Variants in GNG2 observed in about 807,000 individuals in gnomAD.
GNG2 encodes the protein G protein subunit gamma 2, also known as guanine nucleotide-binding protein G(I)/G(S)/G(O) subunit gamma-2.
GNG2 carries 5 observed loss-of-function variants against 5.5 expected under a neutral mutation model. That is an observed-to-expected ratio of 0.91 (90% confidence interval 0.48 to 1.92). The LOEUF (loss-of-function observed/expected upper bound fraction) is 1.92, where lower values mean the gene tolerates loss of function less well. Ranked by LOEUF, GNG2 falls within the 30% of genes most tolerant of loss-of-function variation. The probability of loss-of-function intolerance (pLI) is 0.01; values close to 1 mark genes in which losing one functional copy is unlikely to be tolerated. For missense variants in GNG2, 55 were observed against 88.4 expected (o/e 0.62, Z 1.52); for synonymous variants, 28 against 32.0 (o/e 0.88, Z 0.42).
In GNG2 at chr14:51,869,510, T is replaced by C. The variant is rs564163907; in HGVS notation, c.-70-8107T>C. Among the ~76,000 whole-genome samples, 9 of 152,348 alleles carry C rather than the reference T, an allele frequency of 5.9e-5. No individual in the cohort carries two copies. In the East Asian group the frequency reaches 1.2e-3, roughly 20 times the overall value. On this transcript the variant is annotated intron_variant, in intron 1 of 3. Coordinates refer to ENST00000556766, the MANE Select transcript of GNG2 (RefSeq NM_053064.5). ...ATATCAAGGTGCAGCAGATTTCTTA[T>C]GTGGCTCTTTCTGGTTTGTTGAAAC...
intron 2 of GNG2, among the ~76,000 whole-genome samples, chr14:51,942,589 C>CTTTCTTTCTTTCTTTTTTTT (rs761049973): frequency 2.5e-5 from 2 of 81,146 alleles, no homozygotes; most frequent in Non-Finnish European, 4.5e-5. Context: ...TTCTTTCTTT[C>CTTTCTTTCTTTCTTTTTTTT]TTTTTTTTTT....
chr14:51,967,952 C>A lies in GNG2; in HGVS notation c.*1265C>A, dbSNP rs527849179. On this transcript the variant is annotated 3_prime_UTR_variant, in exon 4 of 4. Coordinates refer to ENST00000556766, the MANE Select transcript of GNG2 (RefSeq NM_053064.5). Reference sequence around the variant, plus strand: ...CTCTCCAGGGAGAAGGACCTCAAATCGCCACTCTTTGGGCGGCAGGTGCGG... The same window carrying A: ...CTCTCCAGGGAGAAGGACCTCAAATAGCCACTCTTTGGGCGGCAGGTGCGG... 6.6e-6 allele frequency: 1 copy of A among 152,172 alleles called. No individual in the cohort carries two copies. Among genetic ancestry groups the A allele is most frequent in the South Asian group, 2.1e-4 (1 of 4,830 alleles). The allele number at this position is 152,172 out of a possible 1,614,324, so 9.4% of individuals were successfully genotyped here.
At chr14:51,836,518 G>A (rs1216069300) in intron 2 of GNG2, among the ~76,000 whole-genome samples, 1 of 152,028 alleles carries the variant, frequency 6.6e-6, no homozygotes, top group East Asian at 1.9e-4. Context: ...AATATAAAAA[G>A]TCACATGAAG....
intron 2 of GNG2, among the ~76,000 whole-genome samples, chr14:51,851,471 A>G (rs1197534135): frequency 3.3e-5 from 5 of 152,282 alleles, no homozygotes; most frequent in South Asian, 4.1e-4. Context: ...GTGAGTTTCT[A>G]TTGTTCTTGT....
chr14:51,881,316 T>C (rs144061639), intron 2 of GNG2, among the ~76,000 whole-genome samples: 2,107 of 152,296 alleles, frequency 0.014, 18 homozygotes, highest in South Asian at 0.022. Context: ...GAAGACTATC[T>C]GGAATGCCCA....
At chr14:51,833,047 C>A (rs1468676986) in intron 2 of GNG2, among the ~76,000 whole-genome samples, 2 of 152,094 alleles carry the variant, frequency 1.3e-5, no homozygotes, top group Non-Finnish European at 2.9e-5. Context: ...CCTTACAACT[C>A]ATTTCTCTAT....
intron 2 of GNG2, among the ~76,000 whole-genome samples, chr14:51,922,204 T>C (rs1887054630): frequency 6.6e-6 from 1 of 151,882 alleles, no homozygotes; most frequent in South Asian, 2.1e-4. Context: ...TATGCTTTCT[T>C]ATAAAAGAGA....
At chr14:51,933,180 T>C (rs1289838177) in intron 2 of GNG2, among the ~76,000 whole-genome samples, 1 of 152,210 alleles carries the variant, frequency 6.6e-6, no homozygotes, top group African/African-American at 2.4e-5. Context: ...TAAACTTACA[T>C]TGTTTGAAGC....
chr14:51,860,220 C>CAAA (rs61492742), upstream of GNG2, among the ~76,000 whole-genome samples: 5 of 146,576 alleles, frequency 3.4e-5, no homozygotes, highest in African/African-American at 1.3e-4. Context: ...GATGTTGACC[C>CAAA]AAAAAAAAAC....
chr14:51,951,212 A>G (rs1221625654), intron 3 of GNG2, among the ~76,000 whole-genome samples: 2 of 152,058 alleles, frequency 1.3e-5, no homozygotes, highest in Non-Finnish European at 2.9e-5. Context: ...TCTTCTTTAT[A>G]CTTTATTGAA....
intron 2 of GNG2, among the ~76,000 whole-genome samples, chr14:51,934,061 A>G (rs144548352): frequency 1.3e-5 from 2 of 152,326 alleles, no homozygotes; most frequent in African/African-American, 4.8e-5. Flanking sequence ...GGATCCGACC[A>G]GGATTGGGGA....
At chr14:51,834,153 A>T (rs748643435) in intron 2 of GNG2, among the ~76,000 whole-genome samples, 7 of 152,230 alleles carry the variant, frequency 4.6e-5, no homozygotes, top group Non-Finnish European at 1.0e-4. Flanking sequence ...AAGCTTTTGG[A>T]GATGGGGGAA....
intron 1 of GNG2, chr14:51,873,872 T>C (rs1397362263): frequency 1.3e-5 from 2 of 152,270 alleles, no homozygotes; most frequent in Non-Finnish European, 2.9e-5. Flanking sequence ...TTCTCTGTTT[T>C]ATGGACTAGG....
chr14:51,895,063 T>C (rs1221124890), intron 2 of GNG2, among the ~76,000 whole-genome samples: 4 of 151,022 alleles, frequency 2.6e-5, no homozygotes, highest in Admixed American at 1.3e-4. Flanking sequence ...AACAATGAAC[T>C]TTAAAATTGC....
At chr14:51,869,607 G>A (rs780217778) in intron 1 of GNG2, among the ~76,000 whole-genome samples, 1 of 152,186 alleles carries the variant, frequency 6.6e-6, no homozygotes, top group Admixed American at 6.5e-5. Flanking sequence ...CAGCCTGCAG[G>A]TGGGAGGCTG....
chr14:51,859,344 TCA>T (rs1305344440), upstream of GNG2, among the ~76,000 whole-genome samples: 1 of 152,176 alleles, frequency 6.6e-6, no homozygotes, highest in African/African-American at 2.4e-5. Flanking sequence ...GGAGAATGAC[TCA>T]CACGTTGAAT....
chr14:51,861,099 G>C (rs1373219897), intron 1 of GNG2, among the ~76,000 whole-genome samples: 2 of 152,194 alleles, frequency 1.3e-5, no homozygotes. Flanking sequence ...CTGTGAAGCT[G>C]TGGTCTGGTC....
chr14:51,861,091 G>A (rs1426427638), intron 1 of GNG2, among the ~76,000 whole-genome samples: 1 of 152,192 alleles, frequency 6.6e-6, no homozygotes, highest in Non-Finnish European at 1.5e-5. Context: ...ATCTGGGGCT[G>A]TGAAGCTGTG....
At chr14:51,892,654 G>A (rs1198808966) in intron 2 of GNG2, among the ~76,000 whole-genome samples, 1 of 152,064 alleles carries the variant, frequency 6.6e-6, no homozygotes, top group African/African-American at 2.4e-5. Context: ...ACACGCTCTT[G>A]TTTTTACAAG....
Sources: gnomAD v4.1 joint callset for allele counts (sites outside exome capture counted in the v4.1 genomes callset) on GRCh38, gnomAD v4.1.1 for gene constraint, MANE v1.5 for transcripts, NCBI Gene and HGNC (gene_info 2026-07-23, HGNC 2026-07-21) for gene names.